ZC2HC1A: variants seen among roughly 807,000 people sequenced by gnomAD.
ZC2HC1A encodes zinc finger C2HC-type containing 1A.
In ZC2HC1A, 28 loss-of-function variants were observed where a neutral mutation model predicts 40.7. The ratio of observed to expected loss-of-function variants is 0.69; its 90% CI spans 0.51 to 0.94. The LOEUF is 0.94. ZC2HC1A is among the 40% of genes least tolerant of loss of function. The pLI, the probability that ZC2HC1A is intolerant of heterozygous loss-of-function variation, is 0.00. For missense variants in ZC2HC1A, 389 were observed against 386.3 expected, an observed-to-expected ratio of 1.01 and a Z score of -0.06; for synonymous variants, 129 against 129.2, an observed-to-expected ratio of 1.00 and a Z score of 0.01.
At chr8:78,704,533 C>T (rs186995801) in intron 7 of ZC2HC1A, among the ~76,000 whole-genome samples, 1 of 151,630 alleles carries the variant, frequency 6.6e-6, no homozygotes, top group East Asian at 1.9e-4. Flanking sequence ...TTTAACATTT[C>T]TTCTTTCATT....
chr8:78,711,123 A>G (rs937297422), intron 7 of ZC2HC1A, among the ~76,000 whole-genome samples: 23 of 152,268 alleles, frequency 1.5e-4, no homozygotes, highest in African/African-American at 5.1e-4. Context: ...TGAGTGAGCA[A>G]ATATCTCTTA....
intron 6 of ZC2HC1A, 37 bp from the exon 7 acceptor site, chr8:78,698,377 T>G: frequency 1.3e-6 from 2 of 1,525,818 alleles, no homozygotes; most frequent in Non-Finnish European, 1.8e-6. Flanking sequence ...TAACCTTTTT[T>G]AGAGTATTGT....
chr8:78,667,503 T>G (rs1015148890), intron 1 of ZC2HC1A, among the ~76,000 whole-genome samples: 7 of 152,208 alleles, frequency 4.6e-5, no homozygotes, highest in African/African-American at 1.4e-4. Context: ...TTACATATTA[T>G]CTATAAAGTG....
rs184817119 is a variant in ZC2HC1A at position 78,719,366 on chromosome 8, G to A, written c.*1873G>A. 6.6e-6 allele frequency: 1 copy of A among 151,750 alleles called. No homozygotes were observed. The highest frequency in any genetic ancestry group is 1.9e-4 in the East Asian group (1 of 5,166). 9.4% of individuals were successfully genotyped at this position (151,750 alleles called of 1,614,324 possible). On this transcript the variant is annotated 3_prime_UTR_variant, in exon 9 of 9. Transcript: ENST00000263849. The stretch of plus-strand genomic sequence containing the variant: ...TAATGTACCACATGGAGATGAGTTG[G>A]TAAGAAATCATCTAGTTCCAGAGCC...
intron 1 of ZC2HC1A, 123 bp downstream of exon 1, chr8:78,666,287 C>CTT: frequency 6.8e-7 from 1 of 1,478,534 alleles, no homozygotes; most frequent in Non-Finnish European, 9.2e-7. Flanking sequence ...CGCGTCCCGC[C>CTT]GCGCCTCCGG....
intron 7 of ZC2HC1A, chr8:78,711,935 A>T: frequency 8.9e-7 from 1 of 1,122,968 alleles, no homozygotes; most frequent in Non-Finnish European, 1.2e-6. Flanking sequence ...AAAAAACTTT[A>T]TATAAAGAAG....
intron 6 of ZC2HC1A, 43 bp from the exon 7 acceptor site, chr8:78,698,371 C>T (rs773905148): frequency 2.7e-6 from 4 of 1,499,368 alleles, no homozygotes; most frequent in Admixed American, 3.7e-5. Context: ...TTTATGTAAC[C>T]TTTTTTAGAG....
chr8:78,675,179 A>G (rs989639490), intron 1 of ZC2HC1A, among the ~76,000 whole-genome samples: 13 of 151,416 alleles, frequency 8.6e-5, no homozygotes, highest in Non-Finnish European at 1.9e-4. Context: ...TCTTTATTTA[A>G]TTTTGTTTGT....
chr8:78,673,182 T>C (rs1489203620), intron 1 of ZC2HC1A, among the ~76,000 whole-genome samples: 1 of 152,202 alleles, frequency 6.6e-6, no homozygotes, highest in African/African-American at 2.4e-5. Context: ...TTTCTGTTCC[T>C]GTGTTAGTTT....
At chr8:78,704,733 C>T (rs551391882) in intron 7 of ZC2HC1A, among the ~76,000 whole-genome samples, 14 of 152,192 alleles carry the variant, frequency 9.2e-5, no homozygotes, top group African/African-American at 2.6e-4. Context: ...TCAGATATAC[C>T]GGTCAGTCAT....
At chr8:78,690,249 C>T (rs116223179) in intron 5 of ZC2HC1A, among the ~76,000 whole-genome samples, 3,266 of 152,264 alleles carry the variant, frequency 0.021, 121 homozygotes, top group African/African-American at 0.068. Flanking sequence ...AATTTTCCTA[C>T]TTGAATTCCT....
Position 78,698,405 on chromosome 8 carries a change from T to C in ZC2HC1A, c.605-9T>C. 1 of 1,601,344 alleles carries C rather than the reference T, an allele frequency of 6.2e-7. No homozygotes were observed. The highest frequency in any genetic ancestry group is 8.5e-7 in the Non-Finnish European group (1 of 1,174,158). On this transcript the variant is annotated splice_polypyrimidine_tract_variant and intron_variant, in intron 6 of 8. Coordinates refer to ENST00000263849, the MANE Select transcript of ZC2HC1A (RefSeq NM_016010.3). ...AGTATTGTTAAAAATAATGCTTTTT[T>C]ATTATAAGGTGTTCCTTCAGGTAAA...
chr8:78,690,559 CAA>C (rs36016408), intron 5 of ZC2HC1A, among the ~76,000 whole-genome samples: 9 of 92,508 alleles, frequency 9.7e-5, no homozygotes, highest in Admixed American at 1.2e-4. Context: ...GAGACTGTCT[CAA>C]AAAAAAAAAA....
chr8:78,703,613 T>G (rs1365290801), intron 7 of ZC2HC1A, among the ~76,000 whole-genome samples: 1 of 152,040 alleles, frequency 6.6e-6, no homozygotes, highest in Non-Finnish European at 1.5e-5. Context: ...CCTGCTTTTT[T>G]CTGTTTTCCA....
intron 5 of ZC2HC1A, among the ~76,000 whole-genome samples, chr8:78,692,794 C>T (rs532487109): frequency 6.6e-6 from 1 of 152,188 alleles, no homozygotes; most frequent in East Asian, 1.9e-4. Context: ...AGGTTTGTTA[C>T]ATACGTGTAC....
At chr8:78,677,575 T>C (rs546464741) in intron 2 of ZC2HC1A, among the ~76,000 whole-genome samples, 46 of 152,272 alleles carry the variant, frequency 3.0e-4, no homozygotes, top group South Asian at 2.1e-3. Flanking sequence ...TACATTAACT[T>C]TTGTAATCCT....
rs191820910 is a variant in ZC2HC1A at position 78,687,717 on chromosome 8, C to T, written c.352+1109C>T. Among the ~76,000 whole-genome samples, 58 of 28,320 alleles carry T rather than the reference C, an allele frequency of 2.0e-3. 1 individual carries two copies. Among genetic ancestry groups the T allele is most frequent in the African/African-American group, 5.2e-3 (47 of 9,068 alleles). The allele number at this position is 28,320 out of a possible 152,430, so 18.6% of individuals were successfully genotyped here. A position where few individuals can be genotyped will look rare whatever the true frequency, so the allele number is the denominator to read the frequency against. On this transcript the variant is annotated intron_variant, in intron 4 of 8. Coordinates refer to ENST00000263849, the MANE Select transcript of ZC2HC1A (RefSeq NM_016010.3). The stretch of plus-strand genomic sequence containing the variant: ...ACGTAATACATTATATATATATTTA[C>T]GTAATACATTATATATATTTATGTA...
intron 3 of ZC2HC1A, among the ~76,000 whole-genome samples, chr8:78,684,074 T>G (rs1420973368): frequency 6.6e-6 from 1 of 152,176 alleles, no homozygotes; most frequent in African/African-American, 2.4e-5. Flanking sequence ...CCCACATTTT[T>G]CTGTCTTCTG....
intron 1 of ZC2HC1A, among the ~76,000 whole-genome samples, chr8:78,668,626 G>T (rs1014420653): frequency 1.3e-5 from 2 of 152,212 alleles, no homozygotes; most frequent in South Asian, 2.1e-4. Flanking sequence ...AATAGATGAG[G>T]TATTAGGCTC....
Sources: gnomAD v4.1 joint callset for allele counts (sites outside exome capture counted in the v4.1 genomes callset) on GRCh38, gnomAD v4.1.1 for gene constraint, MANE v1.5 for transcripts, NCBI Gene and HGNC (gene_info 2026-07-23, HGNC 2026-07-21) for gene names.